SLC7A2: variants seen among roughly 807,000 people sequenced by gnomAD.
SLC7A2 encodes solute carrier family 7 member 2, also known as cationic amino acid transporter 2.
A neutral mutation model predicts 58.9 loss-of-function variants in SLC7A2; 48 were observed. That is an observed-to-expected ratio of 0.82 (90% CI 0.65 to 1.04). The LOEUF is 1.04. SLC7A2 is among the 50% of genes least tolerant of loss of function. SLC7A2 has a pLI of 0.00. For missense variants in SLC7A2, 1,029 were observed against 818.8 expected (o/e 1.26, Z -3.13); for synonymous variants, 363 against 314.5 (o/e 1.15, Z -1.63).
chr8:17,518,495 T>G (rs988321104), intron 2 of SLC7A2, among the ~76,000 whole-genome samples: 1 of 152,186 alleles, frequency 6.6e-6, no homozygotes, highest in Non-Finnish European at 1.5e-5. Context: ...AACACTTTGC[T>G]CATCAGAGCA....
chr8:17,551,272 A>C (rs1802437506), intron 6 of SLC7A2, among the ~76,000 whole-genome samples: 5 of 152,174 alleles, frequency 3.3e-5, no homozygotes. Flanking sequence ...CGTAATAAGA[A>C]AGTACCTTCA....
chr8:17,507,275 C>G (rs1020341539), intron 2 of SLC7A2, among the ~76,000 whole-genome samples: 5 of 152,070 alleles, frequency 3.3e-5, no homozygotes, highest in Non-Finnish European at 2.9e-5. Context: ...GGGATCAGTA[C>G]AATTACAACT....
intron 2 of SLC7A2, among the ~76,000 whole-genome samples, chr8:17,530,986 C>T (rs1323478717): frequency 1.3e-5 from 2 of 152,040 alleles, no homozygotes; most frequent in Admixed American, 1.3e-4. Context: ...TATTTCTAAG[C>T]GTATTTAAAA....
intron 1 of SLC7A2, chr8:17,500,055 G>C (rs577144419): frequency 1.3e-5 from 2 of 152,048 alleles, no homozygotes; most frequent in Non-Finnish European, 2.9e-5. Flanking sequence ...CTGTACACTG[G>C]AAAATCAAAA....
intron 8 of SLC7A2, 132 bp downstream of exon 8, chr8:17,554,831 C>G: frequency 6.9e-7 from 1 of 1,447,736 alleles, no homozygotes. Context: ...TGAGTGTTTC[C>G]TATTTTGAAT....
intron 12 of SLC7A2, 72 bp downstream of exon 12, chr8:17,563,783 A>G (rs183131549): frequency 2.3e-6 from 2 of 862,672 alleles, no homozygotes; most frequent in East Asian, 2.5e-5. Flanking sequence ...CCTCTCCCCC[A>G]TCCTGGGAAT....
rs1295688003 is a variant in SLC7A2 at position 17,532,237 on chromosome 8, A to AC, written c.-22-11081_-22-11080insC. The stretch of plus-strand genomic sequence containing the variant: ...AGGGCAAGACTCTATCTCAAAAAAA[A>AC]AAAAAAAAAAAAAAAAAAAAAACCC... On this transcript the variant is annotated intron_variant, in intron 2 of 12. Transcript: ENST00000494857. 5.8e-4 allele frequency among the ~76,000 whole-genome samples: 40 copies of AC among 69,040 alleles called. 2 individuals carry two copies. Among genetic ancestry groups the AC allele is most frequent in the African/African-American group, 1.4e-3 (38 of 26,682 alleles). 45.3% of individuals were successfully genotyped at this position (69,040 alleles called of 152,430 possible). A position where few individuals can be genotyped will look rare whatever the true frequency, so the allele number is the denominator to read the frequency against.
chr8:17,554,564 C>G lies in SLC7A2; in HGVS notation c.1060C>G (p.Leu354Val). 1.2e-6 allele frequency: 2 copies of G among 1,602,580 alleles called. No homozygotes were observed. Among genetic ancestry groups the G allele is most frequent in the Non-Finnish European group, 1.7e-6 (2 of 1,176,874 alleles). Residue 354 changes from leucine to valine, a missense_variant, in exon 8 of 13, where the codon CTT (leucine) becomes GTT (valine). Leu to Val is a conservative substitution (Grantham distance 32, BLOSUM62 1). Transcript: ENST00000494857. ...GSLCALSTSLLGSIFPMPRVI... is the reference protein window; with the variant it reads ...GSLCALSTSLVGSIFPMPRVI... ...ATGTGTTTGCTTTTTATTCAGTCTT[C>G]TTGGATCCATTTTCCCAATGCCTCG...
chr8:17,552,011 C>T (rs770194441), intron 7 of SLC7A2, 25 bp downstream of exon 7: 31 of 1,599,104 alleles, frequency 1.9e-5, no homozygotes, highest in East Asian at 8.9e-5. Context: ...CTTTGGGGCA[C>T]GGGCTGTTTG....
Position 17,543,715 on chromosome 8 carries a change from G to T in SLC7A2, c.376G>T (p.Gly126Cys), listed in dbSNP as rs774275363. ...GAATCTCATTTTATCGTATGTGATA[G>T]GTATGTTTCAAAAAGAAATCTAACT... is the stretch of plus-strand genomic sequence containing the variant. ...GWNLILSYVI[G>C]TSSVARAWSG... Residue 126 changes from glycine to cysteine, a missense_variant and splice_region_variant, in exon 3 of 13, where the codon GGT (glycine) becomes TGT (cysteine). Coordinates refer to ENST00000494857, the MANE Select transcript of SLC7A2 (RefSeq NM_001370338.1). The T allele has an allele frequency of 6.6e-7, 1 of 1,513,962 alleles. No homozygotes were observed. The highest frequency in any genetic ancestry group is 2.3e-5 in the Admixed American group (1 of 43,772). The allele number at this position is 1,513,962 out of a possible 1,614,324, so 93.8% of individuals were successfully genotyped here. A position where few individuals can be genotyped will look rare whatever the true frequency, so the allele number is the denominator to read the frequency against.
chr8:17,542,337 T>C (rs1801947878), intron 2 of SLC7A2, among the ~76,000 whole-genome samples: 1 of 152,148 alleles, frequency 6.6e-6, no homozygotes, highest in Admixed American at 6.5e-5. Flanking sequence ...CCCAGCACAA[T>C]TCCTGGTATT....
chr8:17,520,331 G>A (rs777736498), intron 2 of SLC7A2, among the ~76,000 whole-genome samples: 4 of 151,906 alleles, frequency 2.6e-5, no homozygotes, highest in East Asian at 1.9e-4. Flanking sequence ...GCACACACAC[G>A]CACACATCCT....
rs1055247527 is a variant in SLC7A2, at chr8:17,568,913, G to A, written c.*3767G>A. 1 of 152,136 alleles carries A rather than the reference G, an allele frequency of 6.6e-6. No individual in the cohort carries two copies. Among genetic ancestry groups the A allele is most frequent in the African/African-American group, 2.4e-5 (1 of 41,420 alleles). 9.4% of individuals were successfully genotyped at this position (152,136 alleles called of 1,614,324 possible). On this transcript the variant is annotated 3_prime_UTR_variant, in exon 13 of 13. Coordinates refer to ENST00000494857, the MANE Select transcript of SLC7A2 (RefSeq NM_001370338.1). ...CAGGAGAGTGAGGCTGCAGTGAGCTGAGATTACGCCACTGCACTCTAGCCT... is the reference window on the plus strand; with the variant it reads ...CAGGAGAGTGAGGCTGCAGTGAGCTAAGATTACGCCACTGCACTCTAGCCT...
intron 8 of SLC7A2, among the ~76,000 whole-genome samples, chr8:17,558,028 G>C (rs1332941993): frequency 1.3e-5 from 2 of 152,050 alleles, no homozygotes; most frequent in Non-Finnish European, 2.9e-5. Flanking sequence ...TTCACTCTTT[G>C]TCAGGCCAAA....
intron 11 of SLC7A2, 27 bp downstream of exon 11, chr8:17,562,137 A>G (rs1325906302): frequency 2.6e-6 from 4 of 1,550,330 alleles, no homozygotes; most frequent in Non-Finnish European, 3.5e-6. Context: ...TTAGAGACCC[A>G]AAATACTGTA....
intron 2 of SLC7A2, among the ~76,000 whole-genome samples, chr8:17,536,043 A>G (rs751549733): frequency 2.6e-4 from 39 of 151,814 alleles, no homozygotes; most frequent in Non-Finnish European, 5.0e-4. Flanking sequence ...GCTTCCCTCG[A>G]TATCCTTTCC....
intron 2 of SLC7A2, among the ~76,000 whole-genome samples, chr8:17,524,373 C>T (rs1347327375): frequency 6.7e-6 from 1 of 150,320 alleles, no homozygotes; most frequent in African/African-American, 2.5e-5. Context: ...CATCAATCAA[C>T]AAGTATAGAA....
chr8:17,559,652 A>G lies in SLC7A2; in HGVS notation c.1299-676A>G, dbSNP rs143343660. Among the ~76,000 whole-genome samples the G allele has an allele frequency of 5.3e-3, 802 of 152,350 alleles. 11 individuals carry two copies. Among genetic ancestry groups the G allele is most frequent in the African/African-American group, 0.019 (773 of 41,574 alleles). On this transcript the variant is annotated intron_variant, in intron 9 of 12. Transcript: ENST00000494857. ...CTATCATGAGAACAGCATGAGGGTA[A>G]CCACTCCATGATGAAATTAGCTCCC...
rs1255362641 is a variant in SLC7A2, at chr8:17,570,344, T to C, written c.*5198T>C. Reference sequence around the variant, plus strand: ...GGCCCAAAACCCTACAGAAATTCTATGTCTGTAAAAACCAACAAAGGCATT... The same window carrying C: ...GGCCCAAAACCCTACAGAAATTCTACGTCTGTAAAAACCAACAAAGGCATT... On this transcript the variant is annotated 3_prime_UTR_variant, in exon 13 of 13. Transcript: ENST00000494857. 2.0e-5 allele frequency: 3 copies of C among 152,620 alleles called. No individual in the cohort carries two copies. Among genetic ancestry groups the C allele is most frequent in the Admixed American group, 1.3e-4 (2 of 15,290 alleles). The allele number at this position is 152,620 out of a possible 1,614,324, so 9.5% of individuals were successfully genotyped here. A position where few individuals can be genotyped will look rare whatever the true frequency, so the allele number is the denominator to read the frequency against.
Sources: allele counts gnomAD v4.1 joint callset (sites outside exome capture counted in the v4.1 genomes callset), GRCh38; gene constraint gnomAD v4.1.1; transcripts MANE v1.5; gene names NCBI Gene and HGNC (gene_info 2026-07-23, HGNC 2026-07-21).